The following CADM2 variants were observed in gnomAD, a reference collection of about 807,000 sequenced individuals.
CADM2 encodes the protein immunoglobulin superfamily member 4D.
A neutral mutation model predicts 49.8 loss-of-function variants in CADM2; 12 were observed. The ratio of observed to expected loss-of-function variants is 0.24; its 90% CI spans 0.15 to 0.39. CADM2 has a LOEUF of 0.39. CADM2 is among the 10% of genes least tolerant of loss of function. The pLI, the probability that CADM2 is intolerant of heterozygous loss-of-function variation, is 1.00. For synonymous variants in CADM2, 214 were observed against 175.4 expected (o/e 1.22, Z -1.74); for missense variants, 378 against 492.3 (o/e 0.77, Z 2.20).
intron 3 of CADM2, among the ~76,000 whole-genome samples, chr3:85,833,303 T>C (rs1364709598): frequency 6.6e-6 from 1 of 151,656 alleles, no homozygotes; most frequent in African/African-American, 2.4e-5. Context: ...GTTGTTGTTG[T>C]TGTGTCTTTG....
intron 1 of CADM2, among the ~76,000 whole-genome samples, chr3:85,408,071 A>G (rs12487446): frequency 0.77 from 112,726 of 145,662 alleles, 45,702 homozygotes; most frequent in East Asian, 0.95. Context: ...CAATAATTTT[A>G]TTTAAAAAAT....
chr3:85,677,486 T>C (rs2065917734), intron 1 of CADM2, among the ~76,000 whole-genome samples: 1 of 152,172 alleles, frequency 6.6e-6, no homozygotes, highest in Non-Finnish European at 1.5e-5. Flanking sequence ...TTGAAATTTA[T>C]TGTTGTATAC....
chr3:85,922,302 TA>T (rs1242420633), intron 6 of CADM2, among the ~76,000 whole-genome samples: 1 of 146,234 alleles, frequency 6.8e-6, no homozygotes, highest in Non-Finnish European at 1.5e-5. Flanking sequence ...CATTTATAAT[TA>T]AAATGTGATT....
intron 8 of CADM2, among the ~76,000 whole-genome samples, chr3:86,041,164 C>A (rs530010531): frequency 1.3e-5 from 2 of 152,168 alleles, no homozygotes; most frequent in South Asian, 4.1e-4. Flanking sequence ...TAAGAAGAAA[C>A]TGAATGAACT....
At chr3:85,039,092 C>T (rs1193820155) in intron 1 of CADM2, among the ~76,000 whole-genome samples, 1 of 152,136 alleles carries the variant, frequency 6.6e-6, no homozygotes, top group Admixed American at 6.6e-5. Context: ...ATCTCTGCCT[C>T]CTCGGTTCAA....
intron 1 of CADM2, among the ~76,000 whole-genome samples, chr3:84,995,757 C>G (rs1212790707): frequency 6.6e-6 from 1 of 152,122 alleles, no homozygotes; most frequent in Non-Finnish European, 1.5e-5. Flanking sequence ...TTTGATCATT[C>G]CTCTAGCTTA....
chr3:85,609,224 G>T (rs2063614493), intron 1 of CADM2, among the ~76,000 whole-genome samples: 1 of 152,024 alleles, frequency 6.6e-6, no homozygotes, highest in East Asian at 1.9e-4. Context: ...TAAGATTTGA[G>T]TTCTTGTACT....
intron 1 of CADM2, among the ~76,000 whole-genome samples, chr3:85,344,373 C>T (rs1205670408): frequency 7.7e-6 from 1 of 129,302 alleles, no homozygotes; most frequent in Non-Finnish European, 1.7e-5. Flanking sequence ...GAGTGAGACA[C>T]CATCTCAAAA....
intron 1 of CADM2, among the ~76,000 whole-genome samples, chr3:85,694,862 T>A (rs2066502681): frequency 6.6e-6 from 1 of 152,082 alleles, no homozygotes; most frequent in Non-Finnish European, 1.5e-5. Flanking sequence ...CTTGGGAGTC[T>A]GAGACAGAAG....
chr3:85,687,467 A>C (rs1034700194), intron 1 of CADM2, among the ~76,000 whole-genome samples: 3 of 152,176 alleles, frequency 2.0e-5, no homozygotes, highest in African/African-American at 7.2e-5. Flanking sequence ...TAAAGGGAAA[A>C]ATATGATAGA....
chr3:85,152,038 A>C (rs1247317029), intron 1 of CADM2, among the ~76,000 whole-genome samples: 4 of 152,156 alleles, frequency 2.6e-5, no homozygotes, highest in Admixed American at 2.6e-4. Context: ...AATTCTTAAC[A>C]ATCCAAATTT....
intron 8 of CADM2, among the ~76,000 whole-genome samples, chr3:86,004,872 T>A (rs562669825): frequency 6.6e-6 from 1 of 152,326 alleles, no homozygotes; most frequent in South Asian, 2.1e-4. Flanking sequence ...CACACAGGAA[T>A]TGCCCTTTAC....
At chr3:85,618,044 A>G (rs755847780) in intron 1 of CADM2, among the ~76,000 whole-genome samples, 2 of 152,216 alleles carry the variant, frequency 1.3e-5, no homozygotes, top group Non-Finnish European at 2.9e-5. Context: ...TATTTTAAAC[A>G]TACAGTCATT....
rs187746375 is a variant in CADM2, at chr3:85,433,989, T to C, written c.62-292533T>C. Among the ~76,000 whole-genome samples, 5 of 152,218 alleles carry C rather than the reference T, an allele frequency of 3.3e-5. No homozygotes were observed. The East Asian group carries it at 9.7e-4, about 29-fold the overall frequency. On this transcript the variant is annotated intron_variant, in intron 1 of 9. Transcript: ENST00000383699. The stretch of plus-strand genomic sequence containing the variant: ...TTTTTTGTATTTCCATTGCCTACCA[T>C]AATTCCTGACACCTGTAGACAATCA...
In CADM2 at chr3:85,935,867, T is replaced by A. The variant is rs763891656; in HGVS notation, c.791+10T>A. 2.6e-5 allele frequency: 39 copies of A among 1,511,756 alleles called. No homozygotes were observed. The highest frequency in any genetic ancestry group is 4.2e-5 in the African/African-American group (3 of 72,212). The allele number at this position is 1,511,756 out of a possible 1,614,324, so 93.6% of individuals were successfully genotyped here. On this transcript the variant is annotated intron_variant, in intron 7 of 9. Transcript: ENST00000383699. ...CCAAAGGAAAACCACTGTAAGTGAGTTAATGAGCAATAAAGCTTTTAACTT... is the reference window on the plus strand; with the variant it reads ...CCAAAGGAAAACCACTGTAAGTGAGATAATGAGCAATAAAGCTTTTAACTT...
At chr3:85,870,241 A>G (rs991365376) in intron 3 of CADM2, among the ~76,000 whole-genome samples, 1 of 151,114 alleles carries the variant, frequency 6.6e-6, no homozygotes, top group Admixed American at 6.6e-5. Flanking sequence ...GTTGTTGTTG[A>G]TGATGATTTT....
chr3:85,985,654 C>A (rs1157007247), intron 8 of CADM2, among the ~76,000 whole-genome samples: 1 of 151,904 alleles, frequency 6.6e-6, no homozygotes, highest in Non-Finnish European at 1.5e-5. Flanking sequence ...AAACTTAATT[C>A]TTTAAATGTA....
At chr3:85,092,645 G>A (rs78760240) in intron 1 of CADM2, among the ~76,000 whole-genome samples, 2,124 of 152,156 alleles carry the variant, frequency 0.014, 24 homozygotes, top group Non-Finnish European at 0.025. Context: ...TTAATCTTGT[G>A]GCTCAGCTTC....
intron 1 of CADM2, among the ~76,000 whole-genome samples, chr3:85,010,240 A>G (rs561320425): frequency 2.3e-4 from 35 of 152,284 alleles, no homozygotes; most frequent in African/African-American, 7.9e-4. Flanking sequence ...AATGATAGTC[A>G]CCTCTCTTGA....
Sources: allele counts gnomAD v4.1 joint callset (sites outside exome capture counted in the v4.1 genomes callset), GRCh38; gene constraint gnomAD v4.1.1; transcripts MANE v1.5; gene names NCBI Gene and HGNC (gene_info 2026-07-23, HGNC 2026-07-21).